The following ALG9 variants were observed in gnomAD, a reference collection of about 807,000 sequenced individuals.
The protein encoded by ALG9 is ALG9 alpha-1,2-mannosyltransferase.
ALG9 carries 55 observed loss-of-function variants against 81.8 expected under a neutral mutation model. The ratio of observed to expected loss-of-function variants is 0.67; its 90% CI spans 0.54 to 0.84. The LOEUF (loss-of-function observed/expected upper bound fraction) is 0.84, where lower values mean the gene tolerates loss of function less well. Among genes scored for constraint, ALG9 ranks in the 40% least tolerant of loss-of-function variants. ALG9 has a pLI of 0.00. For missense variants in ALG9, 629 were observed against 745.0 expected, an observed-to-expected ratio of 0.84 and a Z score of 1.81; for synonymous variants, 278 against 274.3, an observed-to-expected ratio of 1.01 and a Z score of -0.13.
Position 111,783,461 on chromosome 11 carries a change from GA to G in ALG9, c.*2935del. On this transcript the variant is annotated 3_prime_UTR_variant, in exon 15 of 15. Coordinates refer to ENST00000616540, the MANE Select transcript of ALG9 (RefSeq NM_024740.2). ...CGACAGAGCAAGACTCTGTCTCGGG[GA>G]AAAAAAATAATAATCTGTAGTCCCA... 2 of 151,688 alleles carry G rather than the reference GA, an allele frequency of 1.3e-5. No individual in the cohort carries two copies. Among genetic ancestry groups the G allele is most frequent in the Non-Finnish European group, 2.9e-5 (2 of 67,900 alleles). The allele number at this position is 151,688 out of a possible 1,614,324, so 9.4% of individuals were successfully genotyped here. A position where few individuals can be genotyped will look rare whatever the true frequency, so the allele number is the denominator to read the frequency against.
rs1478375681 is a variant in ALG9, at chr11:111,782,591, A to T, written c.*3806T>A. 2.0e-5 allele frequency: 3 copies of T among 152,572 alleles called. No homozygotes were observed. The highest frequency in any genetic ancestry group is 7.2e-5 in the African/African-American group (3 of 41,456). The allele number at this position is 152,572 out of a possible 1,614,324, so 9.5% of individuals were successfully genotyped here. The stretch of plus-strand genomic sequence containing the variant: ...CTTGTGGAGGCCAAGATTAAATTGT[A>T]CCTCTTCTCCCTCTTCAGAGAAAAT... On this transcript the variant is annotated 3_prime_UTR_variant, in exon 15 of 15. Transcript: ENST00000616540.
chr11:111,804,797 T>C (rs980092322), intron 14 of ALG9, among the ~76,000 whole-genome samples: 7 of 152,190 alleles, frequency 4.6e-5, no homozygotes, highest in African/African-American at 1.7e-4. Context: ...TTCAAAACAC[T>C]GATAATCCCA....
In ALG9 at chr11:111,838,247, A is replaced by G. The variant is rs782780960; in HGVS notation, c.1324+2T>C. On this transcript the variant is annotated splice_donor_variant, in intron 11 of 14. Transcript: ENST00000616540. LOFTEE classifies it high-confidence loss of function. ...AGGTTAAGATATTCTTAGAAGATCT[A>G]CCTCTGAACAGTGCCACAGAGCGAG... is the stretch of plus-strand genomic sequence containing the variant. The G allele has an allele frequency of 1.2e-6, 2 of 1,614,094 alleles. No homozygotes were observed. The highest frequency in any genetic ancestry group is 1.7e-6 in the Non-Finnish European group (2 of 1,179,954).
At chr11:111,842,706 G>A (rs72985322) in intron 9 of ALG9, among the ~76,000 whole-genome samples, 128 of 152,210 alleles carry the variant, frequency 8.4e-4, no homozygotes, top group Non-Finnish European at 1.6e-3. Flanking sequence ...TTATAGGCAT[G>A]AGCCACTGTG....
At chr11:111,816,813 G>A (rs1951552345) in intron 13 of ALG9, among the ~76,000 whole-genome samples, 1 of 152,090 alleles carries the variant, frequency 6.6e-6, no homozygotes, top group Non-Finnish European at 1.5e-5. Flanking sequence ...CTCCCGCCTT[G>A]GCCTCCAAAA....
At chr11:111,823,988 G>A (rs1555106248) in intron 13 of ALG9, among the ~76,000 whole-genome samples, 1 of 152,154 alleles carries the variant, frequency 6.6e-6, no homozygotes, top group African/African-American at 2.4e-5. Flanking sequence ...CAGGATGGTG[G>A]TACTGCAACT....
chr11:111,827,171 G>A (rs563955884), intron 13 of ALG9, among the ~76,000 whole-genome samples: 1 of 151,888 alleles, frequency 6.6e-6, no homozygotes, highest in Non-Finnish European at 1.5e-5. Context: ...TCTTATAAGG[G>A]ACTTTTCTTA....
Position 111,848,830 on chromosome 11 carries a change from G to A in ALG9, c.896-4107C>T, listed in dbSNP as rs117501593. On this transcript the variant is annotated intron_variant, in intron 8 of 14. Coordinates refer to ENST00000616540, the MANE Select transcript of ALG9 (RefSeq NM_024740.2). ...AATGTACCCCTCTTGCATTTACTAAGGACACTCCTACTCTTCCTTCCAGGC... is the reference window on the plus strand; with the variant it reads ...AATGTACCCCTCTTGCATTTACTAAAGACACTCCTACTCTTCCTTCCAGGC... Among the ~76,000 whole-genome samples, 228 of 152,100 alleles carry A rather than the reference G, an allele frequency of 1.5e-3. 4 individuals carry two copies. In the East Asian group the frequency reaches 0.039, roughly 26 times the overall value.
rs181144226 is a variant in ALG9 at position 111,860,461 on chromosome 11, A to G, written c.565+86T>C. 219 of 1,086,342 alleles carry G rather than the reference A, an allele frequency of 2.0e-4. No homozygotes were observed. The East Asian group carries it at 3.7e-3, about 19-fold the overall frequency. 67.3% of individuals were successfully genotyped at this position (1,086,342 alleles called of 1,614,324 possible). A position where few individuals can be genotyped will look rare whatever the true frequency, so the allele number is the denominator to read the frequency against. On this transcript the variant is annotated intron_variant, in intron 5 of 14. Transcript: ENST00000616540. Reference sequence around the variant, plus strand: ...ATGCTTCCTTTAAATGCAACTGTGAACTATTGGTGAACCTGCAATTCCCTC... The same window carrying G: ...ATGCTTCCTTTAAATGCAACTGTGAGCTATTGGTGAACCTGCAATTCCCTC...
At chr11:111,793,261 T>C (rs887884772) in intron 14 of ALG9, among the ~76,000 whole-genome samples, 3 of 152,134 alleles carry the variant, frequency 2.0e-5, no homozygotes, top group Non-Finnish European at 4.4e-5. Flanking sequence ...GGATTACAGG[T>C]ATGAGTCACT....
chr11:111,836,364 A>G, intron 12 of ALG9, 70 bp from the exon 13 acceptor site: 1 of 1,585,552 alleles, frequency 6.3e-7, no homozygotes, highest in Non-Finnish European at 8.6e-7. Context: ...TGAAACAAAC[A>G]AGCCAGGAAA....
chr11:111,789,135 G>A (rs1338159243), intron 14 of ALG9, among the ~76,000 whole-genome samples: 3 of 151,338 alleles, frequency 2.0e-5, no homozygotes, highest in Non-Finnish European at 4.4e-5. Flanking sequence ...AAGCGACCTC[G>A]CCTGTCCCAG....
At chr11:111,774,487 A>T in the ALG9 span, among the ~76,000 whole-genome samples, 1 of 152,244 alleles carries the variant, frequency 6.6e-6, no homozygotes, top group Non-Finnish European at 1.5e-5. Flanking sequence ...GTACCAAAAA[A>T]CTCTAGAAGG....
In ALG9 at chr11:111,838,187, C is replaced by T. The variant is rs1211269976; in HGVS notation, c.1324+62G>A. The T allele has an allele frequency of 3.1e-6, 5 of 1,592,692 alleles. No individual in the cohort carries two copies. In the African/African-American group the frequency reaches 6.7e-5, roughly 21 times the overall value. On this transcript the variant is annotated intron_variant, in intron 11 of 14. Transcript: ENST00000616540. ...AAATATGTATTATATAATCATGAAT[C>T]AAGTAAAACCTAAGAGCAAGTGACT...
chr11:111,797,687 C>T (rs781931773), intron 14 of ALG9, among the ~76,000 whole-genome samples: 1 of 152,232 alleles, frequency 6.6e-6, no homozygotes, highest in Non-Finnish European at 1.5e-5. Context: ...GAGCTAAGGG[C>T]TGGCTCCCTT....
At position 111,820,486 on chromosome 11, in the gene ALG9, G is replaced by A. The variant is rs543646950; in HGVS notation, c.1603-10713C>T. On this transcript the variant is annotated intron_variant, in intron 13 of 14. Coordinates refer to ENST00000616540, the MANE Select transcript of ALG9 (RefSeq NM_024740.2). Reference sequence around the variant, plus strand: ...ACTGACTCTCGAGATAAACCACTCCGGCAATAATGGCATTAATCTATTCAT... The same window carrying A: ...ACTGACTCTCGAGATAAACCACTCCAGCAATAATGGCATTAATCTATTCAT... Among the ~76,000 whole-genome samples, 3 of 152,182 alleles carry A rather than the reference G, an allele frequency of 2.0e-5. No homozygotes were observed. In the East Asian group the frequency reaches 5.8e-4, roughly 29 times the overall value.
intron 13 of ALG9, among the ~76,000 whole-genome samples, chr11:111,815,514 C>G (rs1037737191): frequency 3.3e-5 from 5 of 152,148 alleles, no homozygotes; most frequent in African/African-American, 1.2e-4. Context: ...AGCTGATGAA[C>G]AACTCAAACA....
intron 13 of ALG9, among the ~76,000 whole-genome samples, chr11:111,827,269 G>A (rs1338499126): frequency 6.6e-6 from 1 of 152,084 alleles, no homozygotes; most frequent in Non-Finnish European, 1.5e-5. Context: ...CTGAGGTCGG[G>A]AGTTTGAGAC....
chr11:111,837,398 G>C, intron 12 of ALG9, 70 bp downstream of exon 12: 2 of 1,572,244 alleles, frequency 1.3e-6, no homozygotes, highest in Non-Finnish European at 1.7e-6. Flanking sequence ...ACAAAAATTA[G>C]AAGACACTGA....
Sources: allele counts gnomAD v4.1 joint callset (sites outside exome capture counted in the v4.1 genomes callset), GRCh38; gene constraint gnomAD v4.1.1; transcripts MANE v1.5; gene names NCBI Gene and HGNC (gene_info 2026-07-23, HGNC 2026-07-21).